Variants in RHOU observed in about 807,000 individuals in gnomAD.
RHOU encodes ras homolog family member U.
A neutral mutation model predicts 12.6 loss-of-function variants in RHOU; 8 were observed. That is an observed-to-expected ratio of 0.64 (90% CI 0.37 to 1.15). The LOEUF (loss-of-function observed/expected upper bound fraction) is 1.15. Ranked by LOEUF, RHOU falls within the 50% of genes most tolerant of loss-of-function variation. The pLI, the probability that RHOU is intolerant of heterozygous loss-of-function variation, is 0.01. For synonymous variants in RHOU, 161 were observed against 147.4 expected (o/e 1.09, Z -0.67); for missense variants, 258 against 347.0 (o/e 0.74, Z 2.04).
At chr1:228,707,130 A>ATATATATATATATATATATATG in the RHOU span, among the ~76,000 whole-genome samples, 6 of 110,186 alleles carry the variant, frequency 5.4e-5, no homozygotes, top group Non-Finnish European at 1.0e-4. Context: ...ATATATACAT[A>ATATATATATATATATATATATG]TATATATATA....
At position 228,738,386 on chromosome 1, in the gene RHOU, G is replaced by C. The variant is rs1662656306; in HGVS notation, c.321+655G>C. The stretch of plus-strand genomic sequence containing the variant: ...TAGGGTTCCCTCTTTGTGTTCCCCA[G>C]AAGAAGCCCCCATTGGTGGGTACTC... On this transcript the variant is annotated intron_variant, in intron 2 of 2. Coordinates refer to ENST00000366691, the MANE Select transcript of RHOU (RefSeq NM_021205.6). The surrounding 1 kb of genome is among the most constrained non-coding windows in gnomAD (Gnocchi z 4.2). Among the ~76,000 whole-genome samples, 1 of 152,136 alleles carries C rather than the reference G, an allele frequency of 6.6e-6. No individual in the cohort carries two copies. Among genetic ancestry groups the C allele is most frequent in the African/African-American group, 2.4e-5 (1 of 41,426 alleles).
upstream of RHOU, among the ~76,000 whole-genome samples, chr1:228,731,991 T>G (rs143410808): frequency 7.4e-4 from 113 of 152,268 alleles, 1 homozygote; most frequent in African/African-American, 2.6e-3. Flanking sequence ...GGTTTTCTAT[T>G]AATAGCTGCA....
chr1:228,667,347 C>T, the RHOU span, among the ~76,000 whole-genome samples: 2 of 152,182 alleles, frequency 1.3e-5, no homozygotes, highest in South Asian at 4.1e-4. Flanking sequence ...TCAGTAACTG[C>T]CTGGTGGCAT....
At chr1:228,670,385 A>T in the RHOU span, among the ~76,000 whole-genome samples, 1 of 152,250 alleles carries the variant, frequency 6.6e-6, no homozygotes, top group Non-Finnish European at 1.5e-5. Flanking sequence ...AGGAGAACAG[A>T]AACATCAACT....
chr1:228,687,588 T>C, the RHOU span: 1 of 1,562,522 alleles, frequency 6.4e-7, no homozygotes, highest in Non-Finnish European at 8.7e-7. Context: ...GGAGTGTGCA[T>C]TACATTTGGA....
the RHOU span, among the ~76,000 whole-genome samples, chr1:228,669,437 T>C: frequency 1.3e-5 from 2 of 152,200 alleles, no homozygotes; most frequent in African/African-American, 4.8e-5. Context: ...TTGGATGGAA[T>C]GTTTAACTTG....
chr1:228,740,023 G>C (rs1050519942), intron 2 of RHOU, among the ~76,000 whole-genome samples: 2 of 152,250 alleles, frequency 1.3e-5, no homozygotes, highest in Non-Finnish European at 2.9e-5. Flanking sequence ...TTCGGGCTTA[G>C]AGGTGCAGGC....
At chr1:228,656,276 C>T in the RHOU span, among the ~76,000 whole-genome samples, 5 of 152,338 alleles carry the variant, frequency 3.3e-5, no homozygotes, top group Admixed American at 1.3e-4. Flanking sequence ...CCCACAGCCT[C>T]CTGAGTAGCC....
the RHOU span, among the ~76,000 whole-genome samples, chr1:228,663,792 C>T: frequency 5.3e-5 from 8 of 151,482 alleles, no homozygotes; most frequent in African/African-American, 1.9e-4. Context: ...GACACCATAC[C>T]TGGCTAATTT....
At chr1:228,677,505 T>C in the RHOU span, among the ~76,000 whole-genome samples, 1 of 140,310 alleles carries the variant, frequency 7.1e-6, no homozygotes, top group Non-Finnish European at 1.5e-5. Context: ...AGTCCCCCCC[T>C]TTTTTTTAGC....
the RHOU span, among the ~76,000 whole-genome samples, chr1:228,711,862 G>A: frequency 1.4e-5 from 2 of 146,066 alleles, no homozygotes; most frequent in East Asian, 2.0e-4. Flanking sequence ...TACCATCAGA[G>A]TGAACAGGCA....
chr1:228,656,213 G>T, the RHOU span, among the ~76,000 whole-genome samples: 2 of 152,004 alleles, frequency 1.3e-5, no homozygotes, highest in Non-Finnish European at 2.9e-5. Flanking sequence ...AAGTGCAGTG[G>T]CACAATCATG....
At chr1:228,664,769 G>A in the RHOU span, among the ~76,000 whole-genome samples, 1 of 152,148 alleles carries the variant, frequency 6.6e-6, no homozygotes, top group Non-Finnish European at 1.5e-5. Context: ...GAGTAGCTGG[G>A]TTTACAGGCG....
At chr1:228,715,276 T>C in the RHOU span, among the ~76,000 whole-genome samples, 1 of 152,174 alleles carries the variant, frequency 6.6e-6, no homozygotes, top group Non-Finnish European at 1.5e-5. Flanking sequence ...TAAATAATCA[T>C]ATTTCAAATA....
chr1:228,728,926 C>T, the RHOU span, among the ~76,000 whole-genome samples: 3 of 150,108 alleles, frequency 2.0e-5, no homozygotes, highest in Middle Eastern at 3.5e-3. Flanking sequence ...GACAGAGTCT[C>T]GCTCTGTCGC....
intron 2 of RHOU, among the ~76,000 whole-genome samples, chr1:228,741,021 T>C (rs1480076009): frequency 6.6e-6 from 1 of 152,088 alleles, no homozygotes; most frequent in Non-Finnish European, 1.5e-5. Flanking sequence ...AGTAGTTCAC[T>C]GGAGAGTTGC....
chr1:228,701,977 T>C, the RHOU span, among the ~76,000 whole-genome samples: 1 of 152,064 alleles, frequency 6.6e-6, no homozygotes. Context: ...TCAGTATTTA[T>C]AGATGAAAAC....
chr1:228,714,740 C>CTTTTTTTTTT, the RHOU span, among the ~76,000 whole-genome samples: 19 of 83,710 alleles, frequency 2.3e-4, no homozygotes, highest in African/African-American at 3.2e-4. Flanking sequence ...TGTTAATTAT[C>CTTTTTTTTTT]TTTTTTTTTT....
At chr1:228,647,300 T>C in the RHOU span, among the ~76,000 whole-genome samples, 2 of 152,206 alleles carry the variant, frequency 1.3e-5, no homozygotes, top group Non-Finnish European at 2.9e-5. Context: ...CTCACTGTGC[T>C]CTTGGTGCGG....
Sources: allele counts gnomAD v4.1 joint callset (sites outside exome capture counted in the v4.1 genomes callset), GRCh38; gene constraint gnomAD v4.1.1; non-coding constraint Gnocchi (gnomAD v3.1); transcripts MANE v1.5; gene names NCBI Gene and HGNC (gene_info 2026-07-23, HGNC 2026-07-21).